The following PACRG variants were observed in gnomAD, a reference collection of about 807,000 sequenced individuals.
PACRG encodes parkin coregulated.
In PACRG, 29 loss-of-function variants were observed where a neutral mutation model predicts 29.7. The observed-to-expected ratio is 0.98, with a 90% CI of 0.73 to 1.33. The LOEUF (loss-of-function observed/expected upper bound fraction) is 1.33. PACRG is among the 40% of genes most tolerant of loss of function. The pLI, the probability that PACRG is intolerant of heterozygous loss-of-function variation, is 0.00. For synonymous variants in PACRG, 116 were observed against 118.7 expected (o/e 0.98, Z 0.15); for missense variants, 279 against 316.2 (o/e 0.88, Z 0.89).
chr6:162,774,223 G>A (rs1783466372), intron 1 of PACRG, among the ~76,000 whole-genome samples: 1 of 152,156 alleles, frequency 6.6e-6, no homozygotes, highest in African/African-American at 2.4e-5. Context: ...ACTCTGAAGT[G>A]ATCAAATGCT....
chr6:163,305,235 T>TAC (rs1270205101), intron 4 of PACRG, among the ~76,000 whole-genome samples: 1 of 152,268 alleles, frequency 6.6e-6, no homozygotes, highest in East Asian at 1.9e-4. Context: ...GAGACTCTCC[T>TAC]ACTCTTCGTA....
chr6:162,852,298 C>G (rs1790984615), intron 2 of PACRG, among the ~76,000 whole-genome samples: 1 of 152,168 alleles, frequency 6.6e-6, no homozygotes, highest in Admixed American at 6.5e-5. Context: ...CCTATGCGTC[C>G]AGGGTCCTCA....
intron 4 of PACRG, among the ~76,000 whole-genome samples, chr6:163,230,660 C>T (rs1781985387): frequency 7.9e-6 from 1 of 126,850 alleles, no homozygotes; most frequent in African/African-American, 2.6e-5. Flanking sequence ...GTCTATATGT[C>T]TGTTTATTGC....
chr6:162,918,270 A>C (rs566030925), intron 2 of PACRG, among the ~76,000 whole-genome samples: 1 of 152,212 alleles, frequency 6.6e-6, no homozygotes, highest in Non-Finnish European at 1.5e-5. Flanking sequence ...AAATTACAGC[A>C]TAACGCCTCT....
chr6:162,842,459 C>T (rs1296011523), intron 2 of PACRG, among the ~76,000 whole-genome samples: 1 of 152,164 alleles, frequency 6.6e-6, no homozygotes, highest in East Asian at 1.9e-4. Context: ...GTAGATCTTC[C>T]TCCATCCTTT....
At chr6:162,967,011 C>T (rs1801096307) in intron 2 of PACRG, among the ~76,000 whole-genome samples, 1 of 152,144 alleles carries the variant, frequency 6.6e-6, no homozygotes, top group South Asian at 2.1e-4. Flanking sequence ...CAACTTACAC[C>T]TAGCCTCTGT....
At position 163,144,637 on chromosome 6, in the gene PACRG, C is replaced by T. The variant is rs570786462; in HGVS notation, c.613+55229C>T. The stretch of plus-strand genomic sequence containing the variant: ...TACAAAAATTAGTTGGGCATGGTGG[C>T]GCATGCCTGTAATCCCAGCTACTCA... On this transcript the variant is annotated intron_variant, in intron 4 of 4. Coordinates refer to ENST00000366888, the MANE Select transcript of PACRG (RefSeq NM_001080379.2). Among the ~76,000 whole-genome samples, 10 of 152,148 alleles carry T rather than the reference C, an allele frequency of 6.6e-5. No individual in the cohort carries two copies. The South Asian group carries it at 1.9e-3, about 29-fold the overall frequency.
At chr6:162,755,343 T>G (rs766178793) in intron 1 of PACRG, among the ~76,000 whole-genome samples, 2 of 152,160 alleles carry the variant, frequency 1.3e-5, no homozygotes, top group Non-Finnish European at 2.9e-5. Context: ...AGTGGTTGGT[T>G]TGTATTTCTC....
At chr6:162,857,674 G>A (rs1791514947) in intron 2 of PACRG, among the ~76,000 whole-genome samples, 1 of 151,992 alleles carries the variant, frequency 6.6e-6, no homozygotes, top group Non-Finnish European at 1.5e-5. Flanking sequence ...AAACAATGTG[G>A]CTATTTGAAA....
chr6:163,224,541 A>G (rs1781713016), intron 4 of PACRG, among the ~76,000 whole-genome samples: 1 of 152,184 alleles, frequency 6.6e-6, no homozygotes, highest in African/African-American at 2.4e-5. Context: ...ACACATTTAT[A>G]TTCAGCTGAT....
At chr6:163,303,959 C>T (rs761599843) in intron 4 of PACRG, among the ~76,000 whole-genome samples, 8 of 135,772 alleles carry the variant, frequency 5.9e-5, no homozygotes, top group Non-Finnish European at 1.1e-4. Context: ...GAGGTTGCAG[C>T]GAGCCGAGAT....
intron 1 of PACRG, among the ~76,000 whole-genome samples, chr6:162,767,009 A>C (rs1373707088): frequency 6.6e-6 from 1 of 152,052 alleles, no homozygotes; most frequent in Non-Finnish European, 1.5e-5. Flanking sequence ...TTTTAAATAT[A>C]TACAGTTTTT....
At chr6:162,934,723 C>T (rs1004825465) in intron 2 of PACRG, among the ~76,000 whole-genome samples, 2 of 151,782 alleles carry the variant, frequency 1.3e-5, no homozygotes, top group Non-Finnish European at 2.9e-5. Flanking sequence ...ATGTTTGGCT[C>T]CTATCTCTTT....
chr6:163,026,161 G>T (rs756735594), intron 2 of PACRG, among the ~76,000 whole-genome samples: 1 of 152,082 alleles, frequency 6.6e-6, no homozygotes, highest in African/African-American at 2.4e-5. Flanking sequence ...CCTTTTATAA[G>T]AAATCAATTT....
chr6:163,307,838 G>GA (rs964852520), intron 4 of PACRG, among the ~76,000 whole-genome samples: 1 of 151,856 alleles, frequency 6.6e-6, no homozygotes, highest in Admixed American at 6.6e-5. Context: ...TGTTTAAAAA[G>GA]AAAAAAAATG....
intron 4 of PACRG, among the ~76,000 whole-genome samples, chr6:163,133,655 C>T (rs997757206): frequency 5.3e-5 from 8 of 152,176 alleles, no homozygotes; most frequent in African/African-American, 1.9e-4. Flanking sequence ...TAAAGCAGGG[C>T]TGGGCTGCGA....
At chr6:163,096,434 G>C (rs556309489) in intron 4 of PACRG, among the ~76,000 whole-genome samples, 1 of 152,318 alleles carries the variant, frequency 6.6e-6, no homozygotes, top group East Asian at 1.9e-4. Flanking sequence ...TGGGCAGATG[G>C]GATAATTTGT....
At chr6:163,307,358 T>A (rs958693569) in intron 4 of PACRG, among the ~76,000 whole-genome samples, 2 of 152,226 alleles carry the variant, frequency 1.3e-5, no homozygotes, top group South Asian at 2.1e-4. Flanking sequence ...ATCGAGTGCT[T>A]ACTTCAAAGC....
intron 2 of PACRG, among the ~76,000 whole-genome samples, chr6:162,822,093 T>A (rs1051337089): frequency 6.6e-6 from 1 of 152,204 alleles, no homozygotes; most frequent in African/African-American, 2.4e-5. Context: ...CAAAGGAACA[T>A]TCATGGTCCT....
Sources: gnomAD v4.1 joint callset for allele counts (sites outside exome capture counted in the v4.1 genomes callset) on GRCh38, gnomAD v4.1.1 for gene constraint, MANE v1.5 for transcripts, NCBI Gene and HGNC (gene_info 2026-07-23, HGNC 2026-07-21) for gene names.